SNAP91: variants seen among roughly 807,000 people sequenced by gnomAD.
SNAP91 encodes the protein synaptosome associated protein 91.
In SNAP91, 27 loss-of-function variants were observed where a neutral mutation model predicts 100.3. The ratio of observed to expected loss-of-function variants is 0.27; its 90% CI spans 0.20 to 0.37. SNAP91 has a LOEUF of 0.37. SNAP91 is among the 10% of genes least tolerant of loss of function. The pLI, the probability that SNAP91 is intolerant of heterozygous loss-of-function variation, is 1.00. For synonymous variants in SNAP91, 404 were observed against 398.6 expected (o/e 1.01, Z -0.16); for missense variants, 986 against 1,123.7 (o/e 0.88, Z 1.75).
At chr6:83,560,340 A>C in intron 27 of SNAP91, 132 bp from the exon 28 acceptor site, 1 of 668,960 alleles carries the variant, frequency 1.5e-6, no homozygotes, top group Non-Finnish European at 2.6e-6. Flanking sequence ...CATAATTTGT[A>C]ATTTTAATTA....
At chr6:83,666,726 A>T (rs2098693478) in intron 2 of SNAP91, among the ~76,000 whole-genome samples, 1 of 152,074 alleles carries the variant, frequency 6.6e-6, no homozygotes, top group African/African-American at 2.4e-5. Flanking sequence ...CTTATTTCTT[A>T]ATTTATACTG....
At chr6:83,671,730 A>G (rs1039932678) in intron 2 of SNAP91, among the ~76,000 whole-genome samples, 17 of 152,136 alleles carry the variant, frequency 1.1e-4, no homozygotes, top group Non-Finnish European at 2.2e-4. Context: ...AGGAGATATA[A>G]GTAATTGTTC....
chr6:83,631,918 TAAA>T, intron 8 of SNAP91, among the ~76,000 whole-genome samples: 1 of 152,098 alleles, frequency 6.6e-6, no homozygotes, highest in East Asian at 1.9e-4. Context: ...TTTTTGTTTT[TAAA>T]ATTATATATT....
Position 83,629,608 on chromosome 6 carries a change from T to C in SNAP91, c.766-6266A>G, listed in dbSNP as rs147900921. ...GTATATTCCTAAGTATTTTATTTTT[T>C]TGCAGTTATTGTAAAAGGGGTTGAG... On this transcript the variant is annotated intron_variant, in intron 8 of 29. Coordinates refer to ENST00000369694, the MANE Select transcript of SNAP91 (RefSeq NM_001242792.2). Among the ~76,000 whole-genome samples the C allele has an allele frequency of 8.1e-3, 1,237 of 152,200 alleles. 14 individuals are homozygous for C. The highest frequency in any genetic ancestry group is 0.028 in the African/African-American group (1,153 of 41,548).
chr6:83,612,668 G>A (rs1202851696), intron 11 of SNAP91, among the ~76,000 whole-genome samples: 1 of 151,950 alleles, frequency 6.6e-6, no homozygotes, highest in Non-Finnish European at 1.5e-5. Context: ...TTGAGGTCAG[G>A]AGTTCGACAC....
chr6:83,706,097 T>C (rs902542792), intron 2 of SNAP91, among the ~76,000 whole-genome samples: 3 of 152,220 alleles, frequency 2.0e-5, no homozygotes, highest in African/African-American at 7.2e-5. Flanking sequence ...TGACTAAATA[T>C]TTAGATCTGG....
chr6:83,678,919 A>G, intron 2 of SNAP91: 2 of 1,113,790 alleles, frequency 1.8e-6, no homozygotes, highest in South Asian at 3.8e-5. Context: ...GGATTTAAGT[A>G]AAAAGAAAGA....
intron 3 of SNAP91, among the ~76,000 whole-genome samples, chr6:83,663,083 A>G (rs2098594307): frequency 1.3e-5 from 2 of 152,110 alleles, no homozygotes; most frequent in Non-Finnish European, 2.9e-5. Context: ...GTTGCCATGA[A>G]CTGTGCCCAT....
intron 3 of SNAP91, among the ~76,000 whole-genome samples, chr6:83,665,083 TAA>T (rs2098652819): frequency 6.6e-6 from 1 of 152,122 alleles, no homozygotes; most frequent in South Asian, 2.1e-4. Context: ...ATTGCACACT[TAA>T]TAGAGTACAG....
chr6:83,694,291 T>C (rs1358309106), intron 2 of SNAP91, among the ~76,000 whole-genome samples: 1 of 152,154 alleles, frequency 6.6e-6, no homozygotes, highest in Non-Finnish European at 1.5e-5. Context: ...ACCTACATCT[T>C]CTCTTGCAAT....
intron 26 of SNAP91, among the ~76,000 whole-genome samples, chr6:83,565,015 A>C (rs951072970): frequency 2.6e-5 from 4 of 150,988 alleles, no homozygotes; most frequent in Admixed American, 6.7e-5. Context: ...TTATCTGATA[A>C]GCATCTAGTA....
chr6:83,578,540 G>A (rs548724857), intron 24 of SNAP91, among the ~76,000 whole-genome samples: 1 of 152,092 alleles, frequency 6.6e-6, no homozygotes, highest in South Asian at 2.1e-4. Context: ...GGGTCAAAAG[G>A]TCTATTCAAA....
chr6:83,571,662 A>T (rs1245884626), intron 26 of SNAP91, among the ~76,000 whole-genome samples: 2 of 152,194 alleles, frequency 1.3e-5, no homozygotes, highest in South Asian at 4.1e-4. Flanking sequence ...CTTGTCTCAG[A>T]TGAGACTCTG....
At chr6:83,690,699 G>A (rs559043858) in intron 2 of SNAP91, among the ~76,000 whole-genome samples, 2 of 152,040 alleles carry the variant, frequency 1.3e-5, no homozygotes, top group East Asian at 3.9e-4. Flanking sequence ...TCATGCTCTA[G>A]GACCTTTCAA....
At chr6:83,627,569 T>C (rs1258965254) in intron 8 of SNAP91, among the ~76,000 whole-genome samples, 1 of 152,068 alleles carries the variant, frequency 6.6e-6, no homozygotes, top group Non-Finnish European at 1.5e-5. Context: ...TTCTTCCTGG[T>C]CCAATATTGA....
chr6:83,638,785 G>T (rs1035221812), intron 8 of SNAP91, among the ~76,000 whole-genome samples: 10 of 152,244 alleles, frequency 6.6e-5, no homozygotes, highest in South Asian at 4.1e-4. Flanking sequence ...ATCATTAGAG[G>T]ATTAAAGTGT....
chr6:83,664,057 G>C (rs1170710689), intron 3 of SNAP91, among the ~76,000 whole-genome samples: 8 of 152,030 alleles, frequency 5.3e-5, no homozygotes, highest in African/African-American at 1.4e-4. Flanking sequence ...TTATAGTATG[G>C]TTTACTGAAT....
At chr6:83,568,775 A>G (rs1056750490) in intron 26 of SNAP91, among the ~76,000 whole-genome samples, 1 of 152,204 alleles carries the variant, frequency 6.6e-6, no homozygotes, top group African/African-American at 2.4e-5. Flanking sequence ...AGGCAGCAAA[A>G]GGATTCCCCT....
intron 16 of SNAP91, among the ~76,000 whole-genome samples, chr6:83,595,158 G>A (rs2094315267): frequency 6.6e-6 from 1 of 151,534 alleles, no homozygotes; most frequent in Admixed American, 6.6e-5. Context: ...ATGAGAGTAT[G>A]AAACACTCTT....
Sources: allele counts gnomAD v4.1 joint callset (sites outside exome capture counted in the v4.1 genomes callset), GRCh38; gene constraint gnomAD v4.1.1; transcripts MANE v1.5; gene names NCBI Gene and HGNC (gene_info 2026-07-23, HGNC 2026-07-21).